CCDC7: variants seen among roughly 807,000 people sequenced by gnomAD.
CCDC7 encodes the protein coiled-coil domain-containing protein 7.
Under a neutral mutation model 196.9 loss-of-function variants are expected in CCDC7, and 183 were observed. That is an observed-to-expected ratio of 0.93 (90% CI 0.82 to 1.05). The LOEUF is 1.05. CCDC7 is among the 50% of genes least tolerant of loss of function. The probability of loss-of-function intolerance (pLI) is 0.00; values close to 1 mark genes in which losing one functional copy is unlikely to be tolerated. For missense variants in CCDC7, 1,540 were observed against 1,482.2 expected (o/e 1.04, Z -0.64); for synonymous variants, 525 against 484.6 (o/e 1.08, Z -1.10).
chr10:32,710,626 A>G lies in CCDC7; in HGVS notation c.2459-994A>G, dbSNP rs909455815. Among the ~76,000 whole-genome samples the G allele has an allele frequency of 2.0e-5, 3 of 152,272 alleles. No homozygotes were observed. The South Asian group carries it at 6.2e-4, about 32-fold the overall frequency. On this transcript the variant is annotated intron_variant, in intron 24 of 41. Coordinates refer to ENST00000639629, the Ensembl canonical transcript of CCDC7. Reference sequence around the variant, plus strand: ...TGTTGGACAGCACTTTCTAAGACCCACTGATAGGGCTGGCAGAGTGCACCA... The same window carrying G: ...TGTTGGACAGCACTTTCTAAGACCCGCTGATAGGGCTGGCAGAGTGCACCA...
intron 11 of CCDC7, among the ~76,000 whole-genome samples, chr10:32,519,350 G>GAA (rs983283743): frequency 6.6e-6 from 1 of 152,122 alleles, no homozygotes; most frequent in Non-Finnish European, 1.5e-5. Context: ...GAACCACATT[G>GAA]AAAAAACGCT....
chr10:32,858,487 G>T (rs569638323), intron 41 of CCDC7, among the ~76,000 whole-genome samples: 141 of 152,238 alleles, frequency 9.3e-4, no homozygotes, highest in African/African-American at 3.2e-3. Context: ...ATGAGCAAGT[G>T]GGATCTATTG....
intron 11 of CCDC7, among the ~76,000 whole-genome samples, chr10:32,534,341 T>G (rs940528637): frequency 5.3e-5 from 8 of 152,214 alleles, no homozygotes; most frequent in African/African-American, 1.9e-4. Flanking sequence ...TGAGTTTCCT[T>G]AAAACTGTTG....
At chr10:32,578,043 T>A (rs748815485) in intron 16 of CCDC7, among the ~76,000 whole-genome samples, 1 of 152,218 alleles carries the variant, frequency 6.6e-6, no homozygotes, top group Non-Finnish European at 1.5e-5. Context: ...TACAGGTATG[T>A]GTAATCCCAT....
rs144810600 is a variant in CCDC7 at position 32,639,922 on chromosome 10, C to A, written c.2014+4764C>A. 5.9e-3 allele frequency among the ~76,000 whole-genome samples: 905 copies of A among 152,244 alleles called. 10 individuals carry two copies. Among genetic ancestry groups the A allele is most frequent in the African/African-American group, 0.021 (864 of 41,560 alleles). Reference sequence around the variant, plus strand: ...GTGAGCCACTGCACCCGACCAATTTCTGTTGTTTTACATTTGCTAAGGAGT... The same window carrying A: ...GTGAGCCACTGCACCCGACCAATTTATGTTGTTTTACATTTGCTAAGGAGT... On this transcript the variant is annotated intron_variant, in intron 20 of 41. Coordinates refer to ENST00000639629, the Ensembl canonical transcript of CCDC7.
intron 32 of CCDC7, 60 bp downstream of exon 33, chr10:32,824,664 A>G (rs1424032068): frequency 7.1e-6 from 8 of 1,125,078 alleles, no homozygotes; most frequent in Middle Eastern, 4.3e-4. Context: ...GAGTTTAAGT[A>G]TGTATCTCTA....
intron 29 of CCDC7, among the ~76,000 whole-genome samples, chr10:32,793,746 AGT>A (rs2083094300): frequency 6.6e-6 from 1 of 152,202 alleles, no homozygotes; most frequent in South Asian, 2.1e-4. Flanking sequence ...TATTGATTGT[AGT>A]GCATTTATTA....
intron 8 of CCDC7, among the ~76,000 whole-genome samples, chr10:32,482,191 G>A (rs61856000): frequency 0.34 from 51,611 of 150,578 alleles, 11,198 homozygotes; most frequent in Non-Finnish European, 0.49. Context: ...TTATTTTTCA[G>A]AATTAAAAAA....
intron 18 of CCDC7, among the ~76,000 whole-genome samples, chr10:32,595,561 T>G (rs936790698): frequency 3.3e-5 from 5 of 152,206 alleles, no homozygotes; most frequent in African/African-American, 9.7e-5. Flanking sequence ...GCTCTGATCT[T>G]AGTTATTTCT....
chr10:32,756,017 A>G (rs1222623431), intron 28 of CCDC7, among the ~76,000 whole-genome samples: 1 of 152,258 alleles, frequency 6.6e-6, no homozygotes, highest in East Asian at 1.9e-4. Context: ...GTGATCGAAG[A>G]TCAAATGAAT....
upstream of CCDC7, among the ~76,000 whole-genome samples, chr10:32,448,986 C>A (rs2032225227): frequency 1.3e-5 from 2 of 151,770 alleles, no homozygotes; most frequent in South Asian, 4.2e-4. Context: ...AGTTTTTATT[C>A]TTCAGCAGTA....
At chr10:32,597,918 G>A (rs917145935) in intron 18 of CCDC7, among the ~76,000 whole-genome samples, 10 of 152,304 alleles carry the variant, frequency 6.6e-5, no homozygotes, top group Middle Eastern at 6.8e-3. Flanking sequence ...CCCCCCTACT[G>A]GGAGGTGCCT....
At chr10:32,823,169 G>A (rs1367432450) in intron 31 of CCDC7, among the ~76,000 whole-genome samples, 1 of 150,386 alleles carries the variant, frequency 6.6e-6, no homozygotes, top group Non-Finnish European at 1.5e-5. Flanking sequence ...TTGAGATGGT[G>A]TCTTGCTCTG....
In CCDC7 at chr10:32,638,171, T is replaced by A. The variant is rs538380992; in HGVS notation, c.2014+3013T>A. Among the ~76,000 whole-genome samples the A allele has an allele frequency of 2.0e-5, 3 of 152,336 alleles. No homozygotes were observed. In the East Asian group the frequency reaches 5.8e-4, roughly 29 times the overall value. The stretch of plus-strand genomic sequence containing the variant: ...TTTCTAGATATACAATCATGTCATC[T>A]GCAAACAGGGACAATTTGACTTCCT... On this transcript the variant is annotated intron_variant, in intron 20 of 41. Transcript: ENST00000639629.
intron 9 of CCDC7, among the ~76,000 whole-genome samples, chr10:32,496,103 C>G (rs2042877242): frequency 6.6e-6 from 1 of 152,024 alleles, no homozygotes; most frequent in African/African-American, 2.4e-5. Context: ...TGAAGAGGTT[C>G]TTCACATCCC....
At chr10:32,462,977 T>C in intron 4 of CCDC7, 40 bp from the exon 6 acceptor site, 1 of 1,612,250 alleles carries the variant, frequency 6.2e-7, no homozygotes, top group South Asian at 1.1e-5. Flanking sequence ...ATTTAAGTAG[T>C]CACTATTTCT....
chr10:32,555,676 G>A (rs1333499902), intron 13 of CCDC7, among the ~76,000 whole-genome samples: 1 of 152,146 alleles, frequency 6.6e-6, no homozygotes, highest in East Asian at 1.9e-4. Flanking sequence ...AAATAATCCA[G>A]TACAATATTC....
At chr10:32,581,175 A>G (rs967362228) in intron 16 of CCDC7, among the ~76,000 whole-genome samples, 10 of 152,148 alleles carry the variant, frequency 6.6e-5, no homozygotes, top group Non-Finnish European at 1.5e-4. Context: ...AAAGCTGCTA[A>G]AATACATGCT....
At chr10:32,857,859 AT>A (rs2093813095) in intron 41 of CCDC7, among the ~76,000 whole-genome samples, 4 of 151,924 alleles carry the variant, frequency 2.6e-5, no homozygotes, top group Admixed American at 2.6e-4. Context: ...TTTGAAAAAA[AT>A]AAAATAAAAT....
Sources: allele counts gnomAD v4.1 joint callset (sites outside exome capture counted in the v4.1 genomes callset), GRCh38; gene constraint gnomAD v4.1.1; transcripts MANE v1.5; gene names NCBI Gene and HGNC (gene_info 2026-07-23, HGNC 2026-07-21).